DIDO1: variants seen among roughly 807,000 people sequenced by gnomAD.
The protein encoded by DIDO1 is death-inducer obliterator 1.
In DIDO1, 16 loss-of-function variants were observed where a neutral mutation model predicts 99.4. That is an observed-to-expected ratio of 0.16 (90% CI 0.11 to 0.24). The LOEUF (loss-of-function observed/expected upper bound fraction) is 0.24, where lower values mean the gene tolerates loss of function less well. Ranked by LOEUF, DIDO1 falls within the 10% of genes least tolerant of loss-of-function variation. DIDO1 has a pLI of 1.00. For missense variants in DIDO1, 2,996 were observed against 3,014.0 expected (o/e 0.99, Z 0.14); for synonymous variants, 1,366 against 1,239.1 (o/e 1.10, Z -2.15).
At chr20:62,890,198 G>A (rs1258829248) in intron 15 of DIDO1, 2 of 985,814 alleles carry the variant, frequency 2.0e-6, no homozygotes, top group Non-Finnish European at 2.4e-6. Flanking sequence ...CCCGCTTTGA[G>A]AGAACACCAA....
intron 1 of DIDO1, among the ~76,000 whole-genome samples, chr20:62,920,989 G>C (rs970598921): frequency 5.9e-5 from 9 of 152,174 alleles, no homozygotes; most frequent in African/African-American, 1.2e-4. Context: ...CGCCTCCTGG[G>C]TTCAAGGGAT....
At chr20:62,917,611 G>A (rs934106506) in intron 1 of DIDO1, among the ~76,000 whole-genome samples, 1 of 152,174 alleles carries the variant, frequency 6.6e-6, no homozygotes, top group Non-Finnish European at 1.5e-5. Context: ...CTAGGGCTGT[G>A]CGTGGACAGT....
At chr20:62,899,261 A>T (rs1046445076) in intron 6 of DIDO1, among the ~76,000 whole-genome samples, 7 of 152,260 alleles carry the variant, frequency 4.6e-5, no homozygotes, top group African/African-American at 1.7e-4. Flanking sequence ...AAAGAACTCT[A>T]AAAAAGCTGG....
chr20:62,892,681 G>T (rs765431812), intron 13 of DIDO1, 128 bp downstream of exon 13: 4 of 1,266,656 alleles, frequency 3.2e-6, no homozygotes, highest in Non-Finnish European at 3.2e-6. Flanking sequence ...ACAGACGGTT[G>T]CAAGAGTGTC....
chr20:62,927,889 T>C (rs6090169), upstream of DIDO1, among the ~76,000 whole-genome samples: 34,841 of 151,972 alleles, frequency 0.23, 4,244 homozygotes, highest in East Asian at 0.33. Context: ...TTGAGTGTGA[T>C]CTCAGGTTGC....
chr20:62,880,444 C>T lies in DIDO1; in HGVS notation c.5512G>A (p.Ala1838Thr). 1 of 1,612,910 alleles carries T rather than the reference C, an allele frequency of 6.2e-7. No individual in the cohort carries two copies. Residue 1838 changes from alanine to threonine, a missense_variant, in exon 16 of 16, where the codon GCA becomes ACA. By Grantham distance (58) the Ala-to-Thr change is moderately conservative (BLOSUM62 0). Coordinates refer to ENST00000395343, the MANE Select transcript of DIDO1 (RefSeq NM_001193369.2). ...PSYLGGPRGV[A>T]PSQFEERKDP... is the part of the protein sequence containing the mutation. ...TTGCGTTCTTCAAATTGGGATGGTG[C>T]CACTCCTCGTGGTCCACCAAGGTAA... is the stretch of plus-strand genomic sequence containing the variant.
chr20:62,897,996 CAA>C (rs1181371752), intron 6 of DIDO1, among the ~76,000 whole-genome samples: 1 of 152,198 alleles, frequency 6.6e-6, no homozygotes, highest in Non-Finnish European at 1.5e-5. Context: ...CTCGGGTGAT[CAA>C]GTCAACAAGG....
rs1568819208 is a variant in DIDO1, at chr20:62,879,794, C to CGCACTGGAG, written c.6153_6161dup (p.Ser2052_Ala2054dup). ...CGTCGGCCTCGGGGCCCTGTCCGGG[C>CGCACTGGAG]GCACTGGAGGAGAGCGCGGAGGGCG... On this transcript the variant is annotated inframe_insertion, in exon 16 of 16. Transcript: ENST00000395343. The surrounding 1 kb of genome is among the most constrained non-coding windows in gnomAD (Gnocchi z 6.3). The CGCACTGGAG allele has an allele frequency of 6.2e-7, 1 of 1,611,238 alleles. No homozygotes were observed. The highest frequency in any genetic ancestry group is 1.1e-5 in the South Asian group (1 of 91,056).
intron 1 of DIDO1, among the ~76,000 whole-genome samples, chr20:62,920,176 T>C (rs1417620044): frequency 6.6e-6 from 1 of 152,222 alleles, no homozygotes; most frequent in African/African-American, 2.4e-5. Context: ...AGTGTGGCAG[T>C]GTGAGCTCCC....
In DIDO1 at chr20:62,893,796, T is replaced by C. The variant is rs575036269; in HGVS notation, c.2971A>G (p.Met991Val). 1.2e-5 allele frequency: 19 copies of C among 1,614,128 alleles called. No individual in the cohort carries two copies. Among genetic ancestry groups the C allele is most frequent in the Middle Eastern group, 1.6e-4 (1 of 6,062 alleles). ...GGCACATCCTGTCTGGCTTCCACCA[T>C]GTGGGTGCTGTCTGGGCGGGATGCT... ...SAASRPDSTH[M>V]VEARQDVPKP... The change falls in exon 12 of 16, where the codon ATG (methionine) becomes GTG (valine). Residue 991 changes from methionine to valine, a missense_variant. Coordinates refer to ENST00000395343, the MANE Select transcript of DIDO1 (RefSeq NM_001193369.2).
chr20:62,882,954 G>A (rs1452384765), intron 15 of DIDO1, among the ~76,000 whole-genome samples: 18 of 118,468 alleles, frequency 1.5e-4, no homozygotes, highest in Admixed American at 1.5e-3. Context: ...ATGGAGTGTC[G>A]CTCTGTTGCC....
At position 62,911,981 on chromosome 20, in the gene DIDO1, C is replaced by G. The variant is rs900050206; in HGVS notation, c.-2-367G>C. Among the ~76,000 whole-genome samples, 6 of 152,210 alleles carry G rather than the reference C, an allele frequency of 3.9e-5. No individual in the cohort carries two copies. Among genetic ancestry groups the G allele is most frequent in the Non-Finnish European group, 7.3e-5 (5 of 68,036 alleles). Reference sequence around the variant, plus strand: ...GTAAGGACGTGAGCAAGGACGCGAGCAGCTCGGAGGTGGCACGAGCTCCCC... The same window carrying G: ...GTAAGGACGTGAGCAAGGACGCGAGGAGCTCGGAGGTGGCACGAGCTCCCC... On this transcript the variant is annotated intron_variant, in intron 2 of 15. Coordinates refer to ENST00000395343, the MANE Select transcript of DIDO1 (RefSeq NM_001193369.2). This position sits in a 1 kb window ranked among gnomAD's most constrained non-coding sequence, Gnocchi z 7.0.
At chr20:62,935,979 G>T (rs2065379020) in intron 1 of DIDO1, among the ~76,000 whole-genome samples, 1 of 152,250 alleles carries the variant, frequency 6.6e-6, no homozygotes, top group Admixed American at 6.5e-5. Flanking sequence ...GTAACCGGTT[G>T]GCTGTTGGGA....
rs753213683 is a variant in DIDO1, at chr20:62,907,346, G to A, written c.1175C>T (p.Pro392Leu). The A allele has an allele frequency of 2.5e-6, 4 of 1,613,868 alleles. No homozygotes were observed. The highest frequency in any genetic ancestry group is 3.4e-6 in the Non-Finnish European group (4 of 1,180,058). The change falls in exon 5 of 16, where the codon CCT (proline) becomes CTT (leucine). Residue 392 changes from proline to leucine, a missense_variant. Around this residue, in one of 5 missense-constraint regions of DIDO1, gnomAD observed 898 missense variants for 972.7 expected, o/e 0.92. Transcript: ENST00000395343. ...GGGGCCAATACATTTTGAGGCACCA[G>A]GCGCCTCTATCACCTGCAGAACAAA... ...LKIFQPVIEA[P>L]GASKCIGPGC...
Position 62,910,832 on chromosome 20 carries a change from A to G in DIDO1, c.781T>C (p.Cys261Arg). ...AGGGCGTTGGGGTCGTAACCCTCAC[A>G]TTCAGGCTTCGGTCGGCCCAAGTCT... ...PGDLGRPKPE[C>R]EGYDPNALYC... Residue 261 changes from cysteine to arginine, a missense_variant, in exon 3 of 16, where the codon TGT becomes CGT. Coordinates refer to ENST00000395343, the MANE Select transcript of DIDO1 (RefSeq NM_001193369.2). The G allele has an allele frequency of 6.2e-7, 1 of 1,614,164 alleles. No individual in the cohort carries two copies. The highest frequency in any genetic ancestry group is 1.1e-5 in the South Asian group (1 of 91,086).
At position 62,914,821 on chromosome 20, in the gene DIDO1, G is replaced by A. The variant is rs1157368838; in HGVS notation, c.-199-415C>T. 3.9e-5 allele frequency among the ~76,000 whole-genome samples: 6 copies of A among 152,160 alleles called. No homozygotes were observed. The East Asian group carries it at 7.7e-4, about 19-fold the overall frequency. On this transcript the variant is annotated intron_variant, in intron 1 of 15. Coordinates refer to ENST00000395343, the MANE Select transcript of DIDO1 (RefSeq NM_001193369.2). ...ACAAAAAGTGAAAAGGCTGAACATCGAAATTATATAAGAATGTAATAATTG... is the reference window on the plus strand; with the variant it reads ...ACAAAAAGTGAAAAGGCTGAACATCAAAATTATATAAGAATGTAATAATTG...
intron 1 of DIDO1, among the ~76,000 whole-genome samples, chr20:62,936,096 G>T (rs907551101): frequency 6.6e-6 from 1 of 152,182 alleles, no homozygotes; most frequent in Non-Finnish European, 1.5e-5. Context: ...CTTTCTGCTC[G>T]TGCATCCCCT....
At chr20:62,907,970 T>C (rs973216556) in intron 4 of DIDO1, among the ~76,000 whole-genome samples, 1 of 152,062 alleles carries the variant, frequency 6.6e-6, no homozygotes, top group Admixed American at 6.6e-5. Context: ...CCCCCCAAAT[T>C]GCATGAAACA....
chr20:62,919,057 A>AC (rs2065088772), intron 1 of DIDO1, among the ~76,000 whole-genome samples: 1 of 152,138 alleles, frequency 6.6e-6, no homozygotes, highest in Non-Finnish European at 1.5e-5. Context: ...TCAAAGCTCC[A>AC]CCAGCTTGCG....
Sources: gnomAD v4.1 joint callset for allele counts (sites outside exome capture counted in the v4.1 genomes callset) on GRCh38, gnomAD v4.1.1 for gene constraint, gnomAD v4.1.1 regional missense constraint, Gnocchi (gnomAD v3.1) non-coding constraint, MANE v1.5 for transcripts, NCBI Gene and HGNC (gene_info 2026-07-23, HGNC 2026-07-21) for gene names.